Variants in KHDRBS3 observed in about 807,000 individuals in gnomAD.
The protein encoded by KHDRBS3 is KH domain-containing, RNA-binding, signal transduction-associated protein 3.
Under a neutral mutation model 45.6 loss-of-function variants are expected in KHDRBS3, and 23 were observed. The observed-to-expected ratio is 0.50, with a 90% CI of 0.36 to 0.72. KHDRBS3 has a LOEUF of 0.72. KHDRBS3 is among the 30% of genes least tolerant of loss of function. The pLI is 0.00. For synonymous variants in KHDRBS3, 162 were observed against 156.5 expected, an observed-to-expected ratio of 1.04 and a Z score of -0.26; for missense variants, 352 against 424.8, an observed-to-expected ratio of 0.83 and a Z score of 1.51.
chr8:135,619,670 A>G (rs1830059603), intron 7 of KHDRBS3, among the ~76,000 whole-genome samples: 2 of 140,872 alleles, frequency 1.4e-5, no homozygotes, highest in South Asian at 2.2e-4. Context: ...AGCTATCATT[A>G]AAGTCCTACA....
At chr8:135,526,978 C>T (rs1825222528) in intron 2 of KHDRBS3, among the ~76,000 whole-genome samples, 1 of 151,248 alleles carries the variant, frequency 6.6e-6, no homozygotes. Context: ...TGCTGATCAG[C>T]GCCAGCTTGG....
intron 5 of KHDRBS3, among the ~76,000 whole-genome samples, chr8:135,559,395 C>T (rs938742512): frequency 2.0e-5 from 3 of 152,132 alleles, no homozygotes; most frequent in Non-Finnish European, 4.4e-5. Flanking sequence ...CCCTGTCACC[C>T]GGGCTGGAGT....
At chr8:135,654,245 G>A (rs1326269100) in intron 4 of KHDRBS3, among the ~76,000 whole-genome samples, 1 of 152,096 alleles carries the variant, frequency 6.6e-6, no homozygotes, top group African/African-American at 2.4e-5. Context: ...AACAACTACT[G>A]ACAGAGATGT....
At chr8:135,628,117 T>C (rs1830451300) in intron 7 of KHDRBS3, among the ~76,000 whole-genome samples, 1 of 152,132 alleles carries the variant, frequency 6.6e-6, no homozygotes, top group Non-Finnish European at 1.5e-5. Context: ...AATTGAAGCA[T>C]TTCTTTTTTC....
chr8:135,466,381 G>A (rs1305031641), intron 1 of KHDRBS3, among the ~76,000 whole-genome samples: 2 of 152,148 alleles, frequency 1.3e-5, no homozygotes, highest in Non-Finnish European at 2.9e-5. Context: ...TTTATAACTT[G>A]TTCGAGGTCA....
intron 1 of KHDRBS3, among the ~76,000 whole-genome samples, chr8:135,498,171 C>G (rs1337516734): frequency 6.6e-6 from 1 of 152,092 alleles, no homozygotes; most frequent in African/African-American, 2.4e-5. Context: ...TTGCACTGCT[C>G]CAAGGAACTG....
intron 7 of KHDRBS3, among the ~76,000 whole-genome samples, chr8:135,637,198 T>G (rs1424165643): frequency 6.6e-6 from 1 of 152,256 alleles, no homozygotes; most frequent in Non-Finnish European, 1.5e-5. Context: ...GGAAATTTTT[T>G]AGTCATTTAC....
chr8:135,538,970 G>T (rs906089612), intron 2 of KHDRBS3: 1 of 152,178 alleles, frequency 6.6e-6, no homozygotes, highest in Non-Finnish European at 1.5e-5. Flanking sequence ...CTACCTTAGG[G>T]TGTCCTATAG....
intron 7 of KHDRBS3, among the ~76,000 whole-genome samples, chr8:135,643,429 A>T (rs147698011): frequency 6.6e-6 from 1 of 152,152 alleles, no homozygotes; most frequent in African/African-American, 2.4e-5. Context: ...TGGGAAACCA[A>T]CCTCACTCAG....
chr8:135,573,724 T>C (rs1374217574), intron 5 of KHDRBS3, among the ~76,000 whole-genome samples: 1 of 152,198 alleles, frequency 6.6e-6, no homozygotes, highest in East Asian at 1.9e-4. Flanking sequence ...TTGTTTTTGT[T>C]TTTGTTTTTG....
At chr8:135,603,790 G>A (rs550409594) in intron 6 of KHDRBS3, among the ~76,000 whole-genome samples, 11 of 152,170 alleles carry the variant, frequency 7.2e-5, no homozygotes, top group Non-Finnish European at 1.5e-4. Flanking sequence ...TTTGATTACT[G>A]TAGCTTTATA....
intron 1 of KHDRBS3, among the ~76,000 whole-genome samples, chr8:135,461,953 T>C (rs1228073856): frequency 6.6e-6 from 1 of 152,214 alleles, no homozygotes; most frequent in Non-Finnish European, 1.5e-5. Context: ...AGAATAAATA[T>C]GGAGGATAAA....
At chr8:135,603,851 G>A (rs919019100) in intron 6 of KHDRBS3, among the ~76,000 whole-genome samples, 4 of 152,126 alleles carry the variant, frequency 2.6e-5, no homozygotes, top group Non-Finnish European at 5.9e-5. Flanking sequence ...AATGTTTCAT[G>A]CGCAGTGGAG....
intron 1 of KHDRBS3, among the ~76,000 whole-genome samples, chr8:135,479,519 G>A (rs1822460721): frequency 6.6e-6 from 1 of 152,182 alleles, no homozygotes. Flanking sequence ...GAGTTCTGGA[G>A]GGTGGAAAGT....
intron 7 of KHDRBS3, among the ~76,000 whole-genome samples, chr8:135,612,898 T>TA (rs1196128191): frequency 6.6e-6 from 1 of 151,880 alleles, no homozygotes; most frequent in African/African-American, 2.4e-5. Context: ...AAAAGAATGT[T>TA]AAAAAAATTA....
rs528901828 is a variant in KHDRBS3, at chr8:135,626,504, G to T, written c.891-18555G>T. On this transcript the variant is annotated intron_variant, in intron 7 of 8. Coordinates refer to ENST00000355849, the MANE Select transcript of KHDRBS3 (RefSeq NM_006558.3). ...TGGTGGACTTGGGTGTGTTGGAGGA[G>T]TAAAGAGGCACAGTGGGGGCCGGGC... Among the ~76,000 whole-genome samples the T allele has an allele frequency of 2.9e-3, 435 of 152,334 alleles. 2 individuals are homozygous for T. Among genetic ancestry groups the T allele is most frequent in the Non-Finnish European group, 4.7e-3 (323 of 68,032 alleles).
chr8:135,512,633 A>C (rs186799324), intron 1 of KHDRBS3, among the ~76,000 whole-genome samples: 11 of 152,294 alleles, frequency 7.2e-5, no homozygotes, highest in Non-Finnish European at 1.2e-4. Context: ...ATACTCCTTT[A>C]AATTATTTTA....
intron 4 of KHDRBS3, among the ~76,000 whole-genome samples, chr8:135,552,656 TTTTA>T (rs1484894421): frequency 6.6e-6 from 1 of 152,214 alleles, no homozygotes; most frequent in African/African-American, 2.4e-5. Flanking sequence ...TTTTAATTTT[TTTTA>T]TTTTTTTGTC....
At chr8:135,519,461 A>G (rs780957237) in intron 1 of KHDRBS3, among the ~76,000 whole-genome samples, 1 of 152,138 alleles carries the variant, frequency 6.6e-6, no homozygotes, top group African/African-American at 2.4e-5. Context: ...ATCCTTCCTC[A>G]GGTTTGGTAA....
Sources: allele counts gnomAD v4.1 joint callset (sites outside exome capture counted in the v4.1 genomes callset), GRCh38; gene constraint gnomAD v4.1.1; transcripts MANE v1.5; gene names NCBI Gene and HGNC (gene_info 2026-07-23, HGNC 2026-07-21).